ZFP64: variants seen among roughly 807,000 people sequenced by gnomAD.
ZFP64 encodes zinc finger protein 64.
In ZFP64, 14 loss-of-function variants were observed where a neutral mutation model predicts 51.6. That is an observed-to-expected ratio of 0.27 (90% CI 0.18 to 0.42). The LOEUF is 0.42. Ranked by LOEUF, ZFP64 falls within the 10% of genes least tolerant of loss-of-function variation. ZFP64 has a pLI of 1.00. For synonymous variants in ZFP64, 375 were observed against 361.4 expected (o/e 1.04, Z -0.43); for missense variants, 754 against 906.8 (o/e 0.83, Z 2.16).
Position 52,151,432 on chromosome 20 carries a change from A to C in ZFP64, c.*714T>G. The C allele has an allele frequency of 1.1e-5, 11 of 985,384 alleles. No homozygotes were observed. Among genetic ancestry groups the C allele is most frequent in the African/African-American group, 1.7e-5 (1 of 57,332 alleles). The allele number at this position is 985,384 out of a possible 1,614,324, so 61.0% of individuals were successfully genotyped here. On this transcript the variant is annotated 3_prime_UTR_variant, in exon 6 of 6. Transcript: ENST00000216923. Reference sequence around the variant, plus strand: ...ACATGTATAAAACATGAACACCCCCAAACTCTGGGGAGTATTCCAGAATGG... The same window carrying C: ...ACATGTATAAAACATGAACACCCCCCAACTCTGGGGAGTATTCCAGAATGG...
intron 2 of ZFP64, among the ~76,000 whole-genome samples, chr20:52,180,639 TC>T (rs1171178221): frequency 1.3e-5 from 2 of 149,908 alleles, no homozygotes; most frequent in Non-Finnish European, 3.0e-5. Flanking sequence ...GTGCTAACAA[TC>T]CATGGGCTGT....
chr20:52,099,500 G>A (rs954189433), intron 5 of ZFP64, among the ~76,000 whole-genome samples: 9 of 152,168 alleles, frequency 5.9e-5, no homozygotes, highest in Non-Finnish European at 1.0e-4. Context: ...TGAGGTGGTC[G>A]ACAATATCGG....
At position 52,180,875 on chromosome 20, in the gene ZFP64, G is replaced by C. The variant is rs1464133992; in HGVS notation, c.286+5957C>G. ...GCCAGGATATGAACCCAAGCAGTCT[G>C]TCTCAGGACCCCAGACTCTTCATTA... is the stretch of plus-strand genomic sequence containing the variant. On this transcript the variant is annotated intron_variant, in intron 2 of 5. Transcript: ENST00000216923. 2.0e-5 allele frequency among the ~76,000 whole-genome samples: 3 copies of C among 152,158 alleles called. No individual in the cohort carries two copies. The East Asian group carries it at 5.8e-4, about 29-fold the overall frequency.
chr20:52,189,491 T>C (rs537453901), intron 1 of ZFP64, among the ~76,000 whole-genome samples: 1 of 152,204 alleles, frequency 6.6e-6, no homozygotes, highest in East Asian at 1.9e-4. Context: ...CTTTTTTTTT[T>C]TGAGATGGAG....
At chr20:52,134,586 T>C (rs138251982) in intron 5 of ZFP64, among the ~76,000 whole-genome samples, 6 of 152,330 alleles carry the variant, frequency 3.9e-5, no homozygotes, top group African/African-American at 9.6e-5. Flanking sequence ...AACTGCCTTA[T>C]GGCTTTTCAA....
rs1981728811 is a variant in ZFP64, at chr20:52,160,854, C to T, written c.512-480G>A. On this transcript the variant is annotated intron_variant, in intron 4 of 5. Coordinates refer to ENST00000216923, the MANE Select transcript of ZFP64 (RefSeq NM_018197.3). This position sits in a 1 kb window ranked among gnomAD's most constrained non-coding sequence, Gnocchi z 4.2. Reference sequence around the variant, plus strand: ...ATCTGTGACTAAGTTCCTATCAAAGCGATGGCAGAGAAAGTAAAGTGTGTC... The same window carrying T: ...ATCTGTGACTAAGTTCCTATCAAAGTGATGGCAGAGAAAGTAAAGTGTGTC... Among the ~76,000 whole-genome samples, 1 of 152,140 alleles carries T rather than the reference C, an allele frequency of 6.6e-6. No homozygotes were observed. Among genetic ancestry groups the T allele is most frequent in the African/African-American group, 2.4e-5 (1 of 41,432 alleles).
chr20:52,097,448 A>C lies in ZFP64; in HGVS notation c.914-13T>G. 6 of 1,589,694 alleles carry C rather than the reference A, an allele frequency of 3.8e-6. No individual in the cohort carries two copies. In the South Asian group the frequency reaches 6.9e-5, roughly 18 times the overall value. ...TTGAAGTGGCAACCTAGAAAAGAAA[A>C]ATAGATTTTTTTTTTTTTTTTTTGG... On this transcript the variant is annotated splice_polypyrimidine_tract_variant and intron_variant, in intron 6 of 8. Coordinates refer to the ZFP64 transcript ENST00000361387.
intron 5 of ZFP64, among the ~76,000 whole-genome samples, chr20:52,142,385 C>T (rs1420123231): frequency 2.7e-5 from 3 of 110,422 alleles, no homozygotes; most frequent in African/African-American, 6.2e-5. Flanking sequence ...CAGACACACA[C>T]ACACACACAC....
chr20:52,136,258 C>T (rs912839243), intron 5 of ZFP64, among the ~76,000 whole-genome samples: 1 of 151,986 alleles, frequency 6.6e-6, no homozygotes, highest in African/African-American at 2.4e-5. Flanking sequence ...GAAAGTGACC[C>T]ATTATTAATA....
intron 5 of ZFP64, among the ~76,000 whole-genome samples, chr20:52,104,040 A>T (rs1214040092): frequency 1.3e-5 from 2 of 152,138 alleles, no homozygotes; most frequent in Admixed American, 1.3e-4. Flanking sequence ...CCGCGCCCGG[A>T]AAGAGCGGGG....
chr20:52,119,266 C>G (rs997568752), intron 5 of ZFP64, among the ~76,000 whole-genome samples: 2 of 151,710 alleles, frequency 1.3e-5, no homozygotes, highest in African/African-American at 2.4e-5. Flanking sequence ...CCTGTAATCC[C>G]AGCACTTTGG....
intron 7 of ZFP64, chr20:52,088,684 C>G: frequency 6.2e-7 from 1 of 1,611,478 alleles, no homozygotes; most frequent in Non-Finnish European, 8.5e-7. Context: ...GTTTTTTGGT[C>G]AAGATGGCTA....
chr20:52,094,049 G>T (rs1038858212), intron 7 of ZFP64, among the ~76,000 whole-genome samples: 7 of 152,142 alleles, frequency 4.6e-5, no homozygotes, highest in Non-Finnish European at 7.4e-5. Context: ...GCACAACAAA[G>T]GTCAAGAACG....
intron 2 of ZFP64, among the ~76,000 whole-genome samples, chr20:52,174,204 G>A (rs902096285): frequency 4.6e-5 from 7 of 151,954 alleles, no homozygotes; most frequent in Admixed American, 4.6e-4. Context: ...TATATTTTAG[G>A]GCCGGGAGCG....
intron 5 of ZFP64, among the ~76,000 whole-genome samples, chr20:52,138,049 A>T (rs2122901353): frequency 8.1e-6 from 1 of 123,284 alleles, no homozygotes; most frequent in African/African-American, 2.9e-5. Context: ...AAATAAATAA[A>T]TAAATAAGCA....
intron 5 of ZFP64, among the ~76,000 whole-genome samples, chr20:52,138,057 G>T (rs202128468): frequency 1.9e-5 from 1 of 53,684 alleles, no homozygotes; most frequent in Admixed American, 1.7e-4. Flanking sequence ...AAATAAATAA[G>T]CAAGCCAGGC....
At chr20:52,121,083 T>G (rs1979168857) in intron 5 of ZFP64, among the ~76,000 whole-genome samples, 1 of 152,226 alleles carries the variant, frequency 6.6e-6, no homozygotes, top group African/African-American at 2.4e-5. Flanking sequence ...GTGTTCTGAC[T>G]GCTCCACTGA....
Position 52,191,464 on chromosome 20 carries a change from G to C in ZFP64, c.46+127C>G, listed in dbSNP as rs1984363709. On this transcript the variant is annotated intron_variant, in intron 1 of 5. Coordinates refer to ENST00000216923, the MANE Select transcript of ZFP64 (RefSeq NM_018197.3). This position sits in a 1 kb window ranked among gnomAD's most constrained non-coding sequence, Gnocchi z 4.3. ...GCGCCCGCCGCGGTCCCCGAGACGC[G>C]GCTCCGAGCCGTCACCCCGATTTCG... 8.3e-7 allele frequency: 1 copy of C among 1,199,192 alleles called. No homozygotes were observed. The highest frequency in any genetic ancestry group is 1.1e-6 in the Non-Finnish European group (1 of 928,252). 74.3% of individuals were successfully genotyped at this position (1,199,192 alleles called of 1,614,324 possible).
chr20:52,084,904 C>T (rs2078848128), exon 9 of ZFP64: 3 of 1,613,630 alleles, frequency 1.9e-6, no homozygotes, highest in East Asian at 2.2e-5. Flanking sequence ...CGCTTCGTGT[C>T]GAAGCTGCAG....
Sources: allele counts gnomAD v4.1 joint callset (sites outside exome capture counted in the v4.1 genomes callset), GRCh38; gene constraint gnomAD v4.1.1; non-coding constraint Gnocchi (gnomAD v3.1); transcripts MANE v1.5; gene names NCBI Gene and HGNC (gene_info 2026-07-23, HGNC 2026-07-21).